CACNA1I: variants seen among roughly 807,000 people sequenced by gnomAD.
CACNA1I encodes the protein calcium voltage-gated channel subunit alpha1 I.
A neutral mutation model predicts 201.6 loss-of-function variants in CACNA1I; 74 were observed. The ratio of observed to expected loss-of-function variants is 0.37; its 90% CI spans 0.30 to 0.45. CACNA1I has a LOEUF of 0.45. CACNA1I is among the 20% of genes least tolerant of loss of function. CACNA1I has a pLI of 1.00. For synonymous variants in CACNA1I, 1,431 were observed against 1,345.2 expected (o/e 1.06, Z -1.40); for missense variants, 2,346 against 3,138.1 (o/e 0.75, Z 6.03).
At position 39,676,389 on chromosome 22, in the gene CACNA1I, C is replaced by T. The variant is rs1421472951; in HGVS notation, c.4855-952C>T. On this transcript the variant is annotated intron_variant, in intron 29 of 36. Coordinates refer to ENST00000402142, the MANE Select transcript of CACNA1I (RefSeq NM_021096.4). The surrounding 1 kb of genome is among the most constrained non-coding windows in gnomAD (Gnocchi z 4.8). Reference sequence around the variant, plus strand: ...TGCTCTGGAGTGGAGCGGAGAAACTCGAGGAGTGGTGATTAATGGGGTTTA... The same window carrying T: ...TGCTCTGGAGTGGAGCGGAGAAACTTGAGGAGTGGTGATTAATGGGGTTTA... Among the ~76,000 whole-genome samples the T allele has an allele frequency of 1.3e-5, 2 of 152,138 alleles. No homozygotes were observed. The highest frequency in any genetic ancestry group is 2.1e-4 in the South Asian group (1 of 4,830).
At chr22:39,573,512 C>T (rs1483890282) in intron 1 of CACNA1I, among the ~76,000 whole-genome samples, 2 of 152,056 alleles carry the variant, frequency 1.3e-5, no homozygotes, top group Non-Finnish European at 2.9e-5. Flanking sequence ...GGGCAGTCTC[C>T]TCTCTCTGAG....
intron 23 of CACNA1I, among the ~76,000 whole-genome samples, chr22:39,667,032 G>C (rs1935221248): frequency 6.6e-6 from 1 of 152,230 alleles, no homozygotes; most frequent in East Asian, 1.9e-4. Flanking sequence ...AACCCTGCGT[G>C]GGGTGTTCTC....
chr22:39,653,499 G>A (rs931917238), intron 10 of CACNA1I, among the ~76,000 whole-genome samples: 1 of 152,206 alleles, frequency 6.6e-6, no homozygotes. Context: ...GCAGAGAGAG[G>A]TGGCCCAGGG....
intron 1 of CACNA1I, among the ~76,000 whole-genome samples, chr22:39,595,356 G>A (rs1267559588): frequency 6.6e-6 from 1 of 152,008 alleles, no homozygotes; most frequent in East Asian, 1.9e-4. Flanking sequence ...AGGCACAATG[G>A]CTCATGCCTG....
At chr22:39,584,458 A>G (rs1703699374) in intron 1 of CACNA1I, among the ~76,000 whole-genome samples, 1 of 152,210 alleles carries the variant, frequency 6.6e-6, no homozygotes, top group Admixed American at 6.5e-5. Flanking sequence ...GGTGCTCAGC[A>G]GTCAGGGTTC....
Position 39,685,859 on chromosome 22 carries a change from C to T in CACNA1I, c.6126C>T (p.Pro2042=), listed in dbSNP as rs944866629. The T allele has an allele frequency of 1.4e-5, 20 of 1,474,754 alleles. No homozygotes were observed. Among genetic ancestry groups the T allele is most frequent in the Middle Eastern group, 2.4e-4 (1 of 4,250 alleles). 91.4% of individuals were successfully genotyped at this position (1,474,754 alleles called of 1,614,324 possible). Residue 2042 remains proline, a synonymous_variant, in exon 37 of 37, where the codon CCC becomes CCT. Transcript: ENST00000402142. The surrounding 1 kb of genome is among the most constrained non-coding windows in gnomAD (Gnocchi z 5.0). The part of the protein sequence containing the change: ...LEDSLTLSDS[P]RRALGPPAPA... ...ACAGCCTGACCCTGAGCGACAGCCC[C>T]CGGCGTGCCCTGGGGCCGCCCGCGC...
In CACNA1I at chr22:39,641,170, T is replaced by C; in HGVS notation, c.1044T>C (p.Ile348=). The C allele has an allele frequency of 6.2e-7, 1 of 1,612,754 alleles. No individual in the cohort carries two copies. Among genetic ancestry groups the C allele is most frequent in the Non-Finnish European group, 8.5e-7 (1 of 1,178,844 alleles). ...TTGACAACATCGGTTATGCTTGGAT[T>C]GTCATCTTCCAGGTGAGGCCATTCA... The part of the protein sequence containing the change: ...INFDNIGYAW[I]VIFQVITLEG... Residue 348 remains isoleucine (I), a synonymous_variant, in exon 6 of 37, where the codon ATT becomes ATC. Coordinates refer to ENST00000402142, the MANE Select transcript of CACNA1I (RefSeq NM_021096.4).
intron 4 of CACNA1I, among the ~76,000 whole-genome samples, chr22:39,633,362 G>C (rs906643672): frequency 6.6e-6 from 1 of 152,206 alleles, no homozygotes; most frequent in Non-Finnish European, 1.5e-5. Context: ...AGAATAAGAC[G>C]AGATATTGAT....
At chr22:39,615,831 A>G (rs963031811) in intron 3 of CACNA1I, among the ~76,000 whole-genome samples, 5 of 152,202 alleles carry the variant, frequency 3.3e-5, no homozygotes, top group African/African-American at 1.2e-4. Flanking sequence ...GTTAGGACCC[A>G]GGAGAAACAT....
chr22:39,642,302 G>A (rs1246862587), intron 6 of CACNA1I, among the ~76,000 whole-genome samples: 1 of 152,196 alleles, frequency 6.6e-6, no homozygotes, highest in Non-Finnish European at 1.5e-5. Flanking sequence ...CTTTCTCAAG[G>A]CTGCTCCATC....
intron 3 of CACNA1I, 81 bp downstream of exon 3, chr22:39,600,734 G>C (rs1293616414): frequency 1.4e-6 from 2 of 1,455,890 alleles, no homozygotes; most frequent in Non-Finnish European, 1.8e-6. Context: ...TCTTGCTGAT[G>C]GCGATGAAGG....
chr22:39,626,045 C>T (rs1933891219), intron 4 of CACNA1I, among the ~76,000 whole-genome samples: 1 of 152,302 alleles, frequency 6.6e-6, no homozygotes, highest in African/African-American at 2.4e-5. Flanking sequence ...CAGGGGCAGC[C>T]CTGAGCCCGA....
At chr22:39,682,945 G>T (rs959239470) in intron 35 of CACNA1I, among the ~76,000 whole-genome samples, 1 of 152,094 alleles carries the variant, frequency 6.6e-6, no homozygotes, top group African/African-American at 2.4e-5. Flanking sequence ...ATGGTGAAAA[G>T]GGAAAGAGGT....
intron 1 of CACNA1I, among the ~76,000 whole-genome samples, chr22:39,578,138 G>A (rs981604244): frequency 2.0e-5 from 3 of 152,084 alleles, no homozygotes; most frequent in Non-Finnish European, 2.9e-5. Context: ...CGGGAAGGTG[G>A]GGAGTGGGGC....
chr22:39,640,426 G>A (rs1934323826), intron 5 of CACNA1I, among the ~76,000 whole-genome samples: 1 of 152,144 alleles, frequency 6.6e-6, no homozygotes, highest in Non-Finnish European at 1.5e-5. Context: ...GAGAGAGGAA[G>A]TGATCAGCCC....
chr22:39,637,313 T>C (rs1026328633), intron 5 of CACNA1I, among the ~76,000 whole-genome samples: 1 of 152,182 alleles, frequency 6.6e-6, no homozygotes, highest in Admixed American at 6.5e-5. Context: ...CCAGTGGGAC[T>C]TCTTGCTTCT....
chr22:39,618,291 G>GAC (rs1419160516), intron 3 of CACNA1I, among the ~76,000 whole-genome samples: 11 of 144,206 alleles, frequency 7.6e-5, no homozygotes, highest in East Asian at 4.1e-4. Flanking sequence ...GTGTGTGACT[G>GAC]TGTGTGCAGG....
In CACNA1I at chr22:39,657,869, A is replaced by C. The variant is rs149505949; in HGVS notation, c.1993-283A>C. On this transcript the variant is annotated intron_variant, in intron 10 of 36. Coordinates refer to ENST00000402142, the MANE Select transcript of CACNA1I (RefSeq NM_021096.4). ...TCCTCATCCGTAAAATGCGTATCAGAACACTTCCCTGGTAGTGTGCTACAA... is the reference window on the plus strand; with the variant it reads ...TCCTCATCCGTAAAATGCGTATCAGCACACTTCCCTGGTAGTGTGCTACAA... Among the ~76,000 whole-genome samples the C allele has an allele frequency of 2.4e-3, 363 of 152,346 alleles. 3 individuals are homozygous for C. The highest frequency in any genetic ancestry group is 8.3e-3 in the African/African-American group (344 of 41,584).
intron 1 of CACNA1I, among the ~76,000 whole-genome samples, chr22:39,576,368 G>A (rs763965154): frequency 1.4e-4 from 21 of 152,230 alleles, no homozygotes; most frequent in Non-Finnish European, 2.6e-4. Context: ...GGAAAGTGAA[G>A]CTCAAAGAGG....
Sources: allele counts gnomAD v4.1 joint callset (sites outside exome capture counted in the v4.1 genomes callset), GRCh38; gene constraint gnomAD v4.1.1; non-coding constraint Gnocchi (gnomAD v3.1); transcripts MANE v1.5; gene names NCBI Gene and HGNC (gene_info 2026-07-23, HGNC 2026-07-21).